The following COP1 variants were observed in gnomAD, a reference collection of about 807,000 sequenced individuals.
COP1 encodes the protein COP1 E3 ubiquitin ligase.
COP1 carries 24 observed loss-of-function variants against 101.3 expected under a neutral mutation model. That is an observed-to-expected ratio of 0.24 (90% CI 0.17 to 0.33). The LOEUF is 0.33. COP1 is among the 10% of genes least tolerant of loss of function. The pLI is 1.00. For synonymous variants in COP1, 347 were observed against 341.9 expected (o/e 1.01, Z -0.17); for missense variants, 663 against 906.2 (o/e 0.73, Z 3.45).
chr1:176,061,582 C>T (rs1056615719), intron 11 of COP1, among the ~76,000 whole-genome samples: 1 of 152,052 alleles, frequency 6.6e-6, no homozygotes, highest in African/African-American at 2.4e-5. Flanking sequence ...GCCGTGATCA[C>T]GCCATTGAAC....
In COP1 at chr1:176,207,157, G is replaced by A. The variant is rs1215095757; in HGVS notation, c.-179C>T. 8 of 452,138 alleles carry A rather than the reference G, an allele frequency of 1.8e-5. No individual in the cohort carries two copies. The highest frequency in any genetic ancestry group is 1.3e-4 in the Admixed American group (3 of 22,794). 28.0% of individuals were successfully genotyped at this position (452,138 alleles called of 1,614,324 possible). On this transcript the variant is annotated 5_prime_UTR_variant, in exon 1 of 20. Transcript: ENST00000367669. ...AGGCAGCCACACAACAGCGTCCCACGGGAGGGGGCGGAGGAAACTAAAAAA... is the reference window on the plus strand; with the variant it reads ...AGGCAGCCACACAACAGCGTCCCACAGGAGGGGGCGGAGGAAACTAAAAAA...
At chr1:176,139,003 A>C (rs144610830) in intron 6 of COP1, among the ~76,000 whole-genome samples, 1 of 152,290 alleles carries the variant, frequency 6.6e-6, no homozygotes, top group African/African-American at 2.4e-5. Flanking sequence ...TGCTTTAAAA[A>C]ATACATTTAA....
intron 11 of COP1, among the ~76,000 whole-genome samples, chr1:176,064,319 TA>T (rs1483432308): frequency 6.6e-6 from 1 of 152,226 alleles, no homozygotes; most frequent in Non-Finnish European, 1.5e-5. Flanking sequence ...ATATTATTTT[TA>T]AAGGCTAATG....
intron 15 of COP1, among the ~76,000 whole-genome samples, chr1:175,997,438 A>C (rs1179524162): frequency 3.9e-5 from 6 of 152,100 alleles, no homozygotes; most frequent in Non-Finnish European, 8.8e-5. Context: ...CAGCAAAAGA[A>C]ACTACCATCA....
chr1:176,122,139 CA>C (rs34899450), intron 8 of COP1, among the ~76,000 whole-genome samples: 112 of 114,958 alleles, frequency 9.7e-4, no homozygotes, highest in Admixed American at 1.2e-3. Context: ...GACTGCATCT[CA>C]AAAAAAAAAA....
intron 18 of COP1, among the ~76,000 whole-genome samples, chr1:175,975,373 A>T (rs1330245029): frequency 1.3e-5 from 2 of 152,142 alleles, no homozygotes; most frequent in Non-Finnish European, 2.9e-5. Flanking sequence ...GCCAGAACCC[A>T]CAACCATCCC....
At chr1:175,993,342 C>G (rs4497165) in intron 15 of COP1, among the ~76,000 whole-genome samples, 1 of 152,162 alleles carries the variant, frequency 6.6e-6, no homozygotes, top group Non-Finnish European at 1.5e-5. Flanking sequence ...AGTGCCTCTC[C>G]TCCTCCAAAG....
intron 15 of COP1, among the ~76,000 whole-genome samples, chr1:176,007,907 G>A (rs1233237303): frequency 6.6e-6 from 1 of 152,232 alleles, no homozygotes; most frequent in Non-Finnish European, 1.5e-5. Context: ...GTTTACCTAA[G>A]CAAGCCTGGG....
At position 176,207,185 on chromosome 1, in the gene COP1, G is replaced by A. The variant is rs1462767062; in HGVS notation, c.-207C>T. ...AGGGGGCGGAGGAAACTAAAAAAGC[G>A]GAGTAGAAGGCACTACCGCTGTCGA... On this transcript the variant is annotated 5_prime_UTR_variant, in exon 1 of 20. Coordinates refer to ENST00000367669, the MANE Select transcript of COP1 (RefSeq NM_022457.7). The A allele has an allele frequency of 9.5e-6, 4 of 420,788 alleles. No homozygotes were observed. Among genetic ancestry groups the A allele is most frequent in the African/African-American group, 4.1e-5 (2 of 48,928 alleles). The allele number at this position is 420,788 out of a possible 1,614,324, so 26.1% of individuals were successfully genotyped here.
chr1:176,087,471 A>C (rs1051823861), intron 9 of COP1, among the ~76,000 whole-genome samples: 6 of 152,216 alleles, frequency 3.9e-5, no homozygotes, highest in Admixed American at 6.5e-5. Context: ...TCTCAAAAGA[A>C]GACATTTATG....
chr1:175,973,904 AC>A (rs894301002), intron 18 of COP1, among the ~76,000 whole-genome samples: 5 of 152,208 alleles, frequency 3.3e-5, no homozygotes, highest in African/African-American at 7.2e-5. Flanking sequence ...AAACAAGCAA[AC>A]AAAAAACCCA....
chr1:176,107,496 A>T (rs1486727898), intron 9 of COP1, among the ~76,000 whole-genome samples: 2 of 152,126 alleles, frequency 1.3e-5, no homozygotes, highest in Non-Finnish European at 2.9e-5. Context: ...AGCCAAATAC[A>T]AGATGATTTG....
At chr1:176,154,199 C>T (rs1027642719) in intron 5 of COP1, among the ~76,000 whole-genome samples, 1 of 152,090 alleles carries the variant, frequency 6.6e-6, no homozygotes, top group African/African-American at 2.4e-5. Context: ...GGCAGGGCTA[C>T]TTATTACTGA....
intron 10 of COP1, among the ~76,000 whole-genome samples, chr1:176,081,570 T>A (rs1679166816): frequency 1.3e-5 from 2 of 151,880 alleles, no homozygotes; most frequent in South Asian, 4.1e-4. Context: ...ATAATAAAGC[T>A]ACTATTTAAG....
intron 3 of COP1, among the ~76,000 whole-genome samples, chr1:176,165,453 G>C (rs1694988646): frequency 6.6e-6 from 1 of 151,426 alleles, no homozygotes; most frequent in African/African-American, 2.4e-5. Flanking sequence ...CCAGCACTTT[G>C]GGAGGCCAAG....
intron 1 of COP1, among the ~76,000 whole-genome samples, chr1:176,189,795 C>G (rs1428160070): frequency 6.7e-6 from 1 of 149,066 alleles, no homozygotes; most frequent in African/African-American, 2.5e-5. Flanking sequence ...AAAAATATGA[C>G]CAAAACAAAC....
At chr1:176,138,272 A>T (rs923192955) in intron 6 of COP1, among the ~76,000 whole-genome samples, 1 of 152,190 alleles carries the variant, frequency 6.6e-6, no homozygotes, top group Admixed American at 6.6e-5. Context: ...CAGAAGAGAT[A>T]AAAGCAAAAC....
intron 11 of COP1, among the ~76,000 whole-genome samples, chr1:176,070,146 AT>A (rs1470104863): frequency 6.6e-6 from 1 of 151,956 alleles, no homozygotes; most frequent in Non-Finnish European, 1.5e-5. Context: ...TGATACCCAT[AT>A]TTTCCCTGCC....
At chr1:176,093,114 T>C (rs894394667) in intron 9 of COP1, among the ~76,000 whole-genome samples, 7 of 152,080 alleles carry the variant, frequency 4.6e-5, no homozygotes, top group African/African-American at 7.2e-5. Flanking sequence ...ACAAATAATA[T>C]AGGGGTGTGT....
Sources: gnomAD v4.1 joint callset for allele counts (sites outside exome capture counted in the v4.1 genomes callset) on GRCh38, gnomAD v4.1.1 for gene constraint, MANE v1.5 for transcripts, NCBI Gene and HGNC (gene_info 2026-07-23, HGNC 2026-07-21) for gene names.